BANK1: variants seen among roughly 807,000 people sequenced by gnomAD.
BANK1 encodes B-cell scaffold protein with ankyrin repeats.
In BANK1, 95 loss-of-function variants were observed where a neutral mutation model predicts 94.5. The ratio of observed to expected loss-of-function variants is 1.00; its 90% CI spans 0.85 to 1.19. BANK1 has a LOEUF of 1.19. BANK1 is among the 50% of genes most tolerant of loss of function. The pLI is 0.00. For missense variants in BANK1, 987 were observed against 932.2 expected (o/e 1.06, Z -0.77); for synonymous variants, 334 against 308.4 (o/e 1.08, Z -0.87).
chr4:101,814,047 G>A (rs961292261), intron 1 of BANK1: 2 of 285,010 alleles, frequency 7.0e-6, no homozygotes, highest in Middle Eastern at 1.7e-3. Flanking sequence ...CTAAAGTTAT[G>A]TTTTAATCAG....
At chr4:101,951,265 G>A (rs933211197) in intron 7 of BANK1, among the ~76,000 whole-genome samples, 13 of 151,954 alleles carry the variant, frequency 8.6e-5, no homozygotes, top group African/African-American at 2.9e-4. Context: ...AAAATTAAAA[G>A]GTTATTTTTA....
intron 6 of BANK1, among the ~76,000 whole-genome samples, chr4:101,897,365 T>G (rs987897568): frequency 6.6e-6 from 1 of 151,994 alleles, no homozygotes; most frequent in Non-Finnish European, 1.5e-5. Flanking sequence ...TGTTTTTATA[T>G]GTAAAGAATT....
chr4:101,872,542 T>A (rs556793922), intron 5 of BANK1, among the ~76,000 whole-genome samples: 1 of 152,300 alleles, frequency 6.6e-6, no homozygotes, highest in East Asian at 1.9e-4. Context: ...TTTCTACCCC[T>A]GAGGAAGCAA....
At chr4:101,946,963 G>T (rs1296218350) in intron 7 of BANK1, among the ~76,000 whole-genome samples, 1 of 151,736 alleles carries the variant, frequency 6.6e-6, no homozygotes, top group Non-Finnish European at 1.5e-5. Context: ...TTAGTAGTTT[G>T]GTAGACATTC....
chr4:101,963,089 G>A (rs565764270), intron 7 of BANK1, among the ~76,000 whole-genome samples: 4 of 151,828 alleles, frequency 2.6e-5, no homozygotes, highest in South Asian at 2.1e-4. Flanking sequence ...TTGGACTTGC[G>A]GTATATTTCC....
intron 5 of BANK1, among the ~76,000 whole-genome samples, chr4:101,882,725 C>G (rs1371210292): frequency 6.6e-6 from 1 of 152,136 alleles, no homozygotes. Flanking sequence ...TATATTATCA[C>G]CAAGATCACT....
intron 11 of BANK1, among the ~76,000 whole-genome samples, chr4:102,051,962 T>C (rs1218639291): frequency 2.6e-5 from 4 of 152,124 alleles, no homozygotes; most frequent in Admixed American, 2.6e-4. Flanking sequence ...AGACAAAACC[T>C]GCTAAATCCT....
chr4:101,909,285 C>G (rs1036073997), intron 6 of BANK1, among the ~76,000 whole-genome samples: 1 of 152,108 alleles, frequency 6.6e-6, no homozygotes, highest in Non-Finnish European at 1.5e-5. Context: ...AGCAAACTAT[C>G]ACAAGGGCAA....
intron 13 of BANK1, among the ~76,000 whole-genome samples, chr4:102,067,036 G>A (rs1292846393): frequency 6.6e-6 from 1 of 152,062 alleles, no homozygotes. Flanking sequence ...GCAGTCTGAT[G>A]TGTCAACTAT....
intron 1 of BANK1, among the ~76,000 whole-genome samples, chr4:101,793,616 A>G (rs1242047830): frequency 2.0e-5 from 3 of 152,192 alleles, no homozygotes; most frequent in Non-Finnish European, 2.9e-5. Flanking sequence ...TTTGACTCAT[A>G]CTGCCTCAGA....
At chr4:101,914,919 A>G (rs2148898987) in intron 6 of BANK1, among the ~76,000 whole-genome samples, 1 of 152,262 alleles carries the variant, frequency 6.6e-6, no homozygotes, top group African/African-American at 2.4e-5. Context: ...TGGACTGCAA[A>G]CAGGACATTT....
intron 5 of BANK1, among the ~76,000 whole-genome samples, chr4:101,890,266 A>G (rs1721804922): frequency 6.6e-6 from 1 of 152,048 alleles, no homozygotes; most frequent in Non-Finnish European, 1.5e-5. Context: ...GAGATATTTA[A>G]GTCATCACTG....
intron 1 of BANK1, among the ~76,000 whole-genome samples, chr4:101,817,368 G>A (rs1725957631): frequency 1.3e-5 from 2 of 152,180 alleles, no homozygotes; most frequent in African/African-American, 2.4e-5. Context: ...ATGCGATTAT[G>A]TCCTTTGCAG....
chr4:102,055,678 T>A (rs1307084035), intron 11 of BANK1, among the ~76,000 whole-genome samples: 1 of 152,046 alleles, frequency 6.6e-6, no homozygotes, highest in African/African-American at 2.4e-5. Context: ...ACCAGAAATA[T>A]TAGTTTGGCG....
chr4:101,888,094 G>A (rs1728921254), intron 5 of BANK1, among the ~76,000 whole-genome samples: 1 of 152,126 alleles, frequency 6.6e-6, no homozygotes, highest in South Asian at 2.1e-4. Context: ...AGCAACAAAT[G>A]AGATGACCTT....
chr4:101,866,459 A>G (rs1339936864), intron 4 of BANK1, among the ~76,000 whole-genome samples: 1 of 152,176 alleles, frequency 6.6e-6, no homozygotes, highest in Non-Finnish European at 1.5e-5. Flanking sequence ...TCGCATATTA[A>G]TGACAGATCA....
chr4:101,890,760 T>C (rs1036895829), intron 5 of BANK1, among the ~76,000 whole-genome samples: 12 of 151,202 alleles, frequency 7.9e-5, no homozygotes. Flanking sequence ...TTATTTTTTT[T>C]TTAAAGAAAT....
chr4:101,793,940 C>T (rs189683832), intron 1 of BANK1, among the ~76,000 whole-genome samples: 1 of 152,154 alleles, frequency 6.6e-6, no homozygotes, highest in Non-Finnish European at 1.5e-5. Flanking sequence ...TTGCCTCATA[C>T]TGACTTGAAG....
At chr4:102,064,343 A>G (rs1331649146) in intron 13 of BANK1, among the ~76,000 whole-genome samples, 1 of 152,234 alleles carries the variant, frequency 6.6e-6, no homozygotes, top group Non-Finnish European at 1.5e-5. Context: ...AGACACCTCC[A>G]TTCTAATATG....
Sources: allele counts gnomAD v4.1 joint callset (sites outside exome capture counted in the v4.1 genomes callset), GRCh38; gene constraint gnomAD v4.1.1; transcripts MANE v1.5; gene names NCBI Gene and HGNC (gene_info 2026-07-23, HGNC 2026-07-21).